TMEM117: variants seen among roughly 807,000 people sequenced by gnomAD.
TMEM117 encodes transmembrane protein 117.
Under a neutral mutation model 52.4 loss-of-function variants are expected in TMEM117, and 27 were observed. The ratio of observed to expected loss-of-function variants is 0.51; its 90% CI spans 0.38 to 0.71. TMEM117 has a LOEUF of 0.71. TMEM117 is among the 30% of genes least tolerant of loss of function. TMEM117 has a pLI of 0.00. For synonymous variants in TMEM117, 215 were observed against 206.3 expected (o/e 1.04, Z -0.36); for missense variants, 556 against 630.5 (o/e 0.88, Z 1.26).
chr12:43,937,047 G>A (rs2137595008), intron 2 of TMEM117, among the ~76,000 whole-genome samples: 1 of 152,282 alleles, frequency 6.6e-6, no homozygotes, highest in East Asian at 1.9e-4. Flanking sequence ...AGGAGGGGGT[G>A]TGGTTTTAAA....
At chr12:44,131,908 A>ACTTTTT (rs1478559993) in intron 3 of TMEM117, among the ~76,000 whole-genome samples, 1 of 151,754 alleles carries the variant, frequency 6.6e-6, no homozygotes, top group Non-Finnish European at 1.5e-5. Flanking sequence ...TTCTGTTCTC[A>ACTTTTT]CTTTTTCTGT....
chr12:43,893,583 T>C (rs1175807598), intron 2 of TMEM117, among the ~76,000 whole-genome samples: 1 of 152,210 alleles, frequency 6.6e-6, no homozygotes, highest in Non-Finnish European at 1.5e-5. Context: ...CATGATTCAT[T>C]ATATACTCAA....
intron 3 of TMEM117, among the ~76,000 whole-genome samples, chr12:44,074,110 T>C (rs1242189911): frequency 1.3e-5 from 2 of 152,184 alleles, no homozygotes; most frequent in East Asian, 3.8e-4. Context: ...TGTTTGATTT[T>C]ACAAAGCCAC....
chr12:43,924,362 T>G (rs1944743674), intron 2 of TMEM117, among the ~76,000 whole-genome samples: 1 of 152,190 alleles, frequency 6.6e-6, no homozygotes, highest in Non-Finnish European at 1.5e-5. Context: ...TGTCTATTAT[T>G]TTATTGTCAA....
chr12:44,237,497 A>C (rs1950011524), intron 5 of TMEM117, among the ~76,000 whole-genome samples: 1 of 152,106 alleles, frequency 6.6e-6, no homozygotes, highest in Admixed American at 6.6e-5. Flanking sequence ...AGGCAGGCAG[A>C]TCACTTGATC....
chr12:44,084,126 G>A lies in TMEM117; in HGVS notation c.411-59399G>A, dbSNP rs546506943. Reference sequence around the variant, plus strand: ...CAGACTAAATCATATATATAGATAGGTAGAAATATGTTTGTGTTTTTTCAG... The same window carrying A: ...CAGACTAAATCATATATATAGATAGATAGAAATATGTTTGTGTTTTTTCAG... On this transcript the variant is annotated intron_variant, in intron 3 of 7. Coordinates refer to ENST00000266534, the MANE Select transcript of TMEM117 (RefSeq NM_032256.3). Among the ~76,000 whole-genome samples, 8 of 152,192 alleles carry A rather than the reference G, an allele frequency of 5.3e-5. No individual in the cohort carries two copies. The South Asian group carries it at 1.7e-3, about 32-fold the overall frequency.
chr12:44,340,792 T>C (rs1487209296), intron 6 of TMEM117, among the ~76,000 whole-genome samples: 1 of 152,138 alleles, frequency 6.6e-6, no homozygotes, highest in Non-Finnish European at 1.5e-5. Flanking sequence ...ATTTTTTACA[T>C]TGTACACATA....
At chr12:43,800,177 A>G in the TMEM117 span, among the ~76,000 whole-genome samples, 1 of 152,214 alleles carries the variant, frequency 6.6e-6, no homozygotes, top group Non-Finnish European at 1.5e-5. Flanking sequence ...TATATGTGTA[A>G]ATACATATAT....
chr12:44,103,985 C>A (rs1164965752), intron 3 of TMEM117, among the ~76,000 whole-genome samples: 1 of 151,706 alleles, frequency 6.6e-6, no homozygotes, highest in Non-Finnish European at 1.5e-5. Flanking sequence ...ATCAACAAAC[C>A]CCTGAATTAA....
At chr12:43,904,884 C>T (rs942044421) in intron 2 of TMEM117, among the ~76,000 whole-genome samples, 2 of 152,198 alleles carry the variant, frequency 1.3e-5, no homozygotes, top group African/African-American at 4.8e-5. Flanking sequence ...TGGCTCACGC[C>T]TGTAATCCCA....
intron 3 of TMEM117, among the ~76,000 whole-genome samples, chr12:44,032,984 G>A (rs1292886916): frequency 6.6e-6 from 1 of 152,176 alleles, no homozygotes; most frequent in Non-Finnish European, 1.5e-5. Flanking sequence ...GACCTACCGG[G>A]CTGCATTCTC....
At chr12:43,809,551 C>T in the TMEM117 span, among the ~76,000 whole-genome samples, 2 of 152,138 alleles carry the variant, frequency 1.3e-5, no homozygotes, top group Non-Finnish European at 2.9e-5. Flanking sequence ...CAATACATTA[C>T]AATACAGTAT....
At chr12:44,013,101 C>A (rs1946320883) in intron 3 of TMEM117, among the ~76,000 whole-genome samples, 1 of 151,658 alleles carries the variant, frequency 6.6e-6, no homozygotes, top group Non-Finnish European at 1.5e-5. Context: ...ACAGGGCTTG[C>A]TGCCGCTGCC....
At chr12:44,154,388 A>G (rs1291966500) in intron 4 of TMEM117, among the ~76,000 whole-genome samples, 3 of 152,098 alleles carry the variant, frequency 2.0e-5, no homozygotes, top group Non-Finnish European at 4.4e-5. Context: ...CAGAGGTTAT[A>G]TGAGAAGTAA....
At chr12:43,848,983 A>G (rs113210796) in intron 2 of TMEM117, among the ~76,000 whole-genome samples, 2,034 of 152,272 alleles carry the variant, frequency 0.013, 56 homozygotes, top group African/African-American at 0.046. Flanking sequence ...TGGTCACATG[A>G]CATGTTGTAA....
At chr12:43,924,718 C>T (rs1395745124) in intron 2 of TMEM117, among the ~76,000 whole-genome samples, 1 of 152,128 alleles carries the variant, frequency 6.6e-6, no homozygotes, top group Admixed American at 6.6e-5. Context: ...GCTTCAAGTT[C>T]TCAAGTGGCT....
At chr12:44,009,456 C>A in intron 3 of TMEM117, 1 of 218,104 alleles carries the variant, frequency 4.6e-6, no homozygotes. Context: ...CTCTGGGACT[C>A]AGGCAGGATG....
At chr12:44,054,349 G>C (rs780715784) in intron 3 of TMEM117, among the ~76,000 whole-genome samples, 1 of 152,132 alleles carries the variant, frequency 6.6e-6, no homozygotes, top group Non-Finnish European at 1.5e-5. Flanking sequence ...CCTTGGGGTC[G>C]TATTGAGACT....
At chr12:44,014,037 C>T (rs548721092) in intron 3 of TMEM117, among the ~76,000 whole-genome samples, 10 of 152,236 alleles carry the variant, frequency 6.6e-5, no homozygotes, top group Non-Finnish European at 1.5e-4. Context: ...ACAATAGACA[C>T]CTCAGATACA....
Sources: allele counts gnomAD v4.1 joint callset (sites outside exome capture counted in the v4.1 genomes callset), GRCh38; gene constraint gnomAD v4.1.1; transcripts MANE v1.5; gene names NCBI Gene and HGNC (gene_info 2026-07-23, HGNC 2026-07-21).